DIAPH2: variants seen among roughly 807,000 people sequenced by gnomAD.
DIAPH2 encodes protein diaphanous homolog 2.
In DIAPH2, 35 loss-of-function variants were observed where a neutral mutation model predicts 92.7. The observed-to-expected ratio is 0.38, with a 90% CI of 0.29 to 0.50. The LOEUF (loss-of-function observed/expected upper bound fraction) is 0.50. DIAPH2 is among the 20% of genes least tolerant of loss of function. The probability of loss-of-function intolerance (pLI) is 0.94; values close to 1 mark genes in which losing one functional copy is unlikely to be tolerated. For missense variants in DIAPH2, 701 were observed against 819.5 expected, an observed-to-expected ratio of 0.86 and a Z score of 1.77; for synonymous variants, 301 against 280.4, an observed-to-expected ratio of 1.07 and a Z score of -0.73.
intron 4 of DIAPH2, among the ~76,000 whole-genome samples, chrX:96,854,583 A>ACTCT (rs1264157455): frequency 1.5e-5 from 1 of 66,042 alleles, no homozygotes; most frequent in Non-Finnish European, 2.8e-5. Context: ...AAAAACCAAG[A>ACTCT]CTCTCTCTCT....
At chrX:97,380,934 A>C (rs767551126) in intron 24 of DIAPH2, among the ~76,000 whole-genome samples, 2 of 111,696 alleles carry the variant, frequency 1.8e-5, no homozygotes, top group Non-Finnish European at 3.8e-5. Context: ...TTGCCATTAC[A>C]AATTGTGATT....
chrX:97,583,438 A>T (rs1343061539), intron 26 of DIAPH2, among the ~76,000 whole-genome samples: 1 of 110,562 alleles, frequency 9.0e-6, no homozygotes, highest in South Asian at 3.9e-4. Context: ...CTGCAGTGTG[A>T]GGTGTCAGTG....
At chrX:97,237,974 A>G (rs917055410) in intron 22 of DIAPH2, among the ~76,000 whole-genome samples, 1 of 112,057 alleles carries the variant, frequency 8.9e-6, no homozygotes, top group African/African-American at 3.2e-5. Context: ...CCTTGAGCTA[A>G]GACTGTCAAG....
intron 17 of DIAPH2, among the ~76,000 whole-genome samples, chrX:96,971,491 A>G (rs764573996): frequency 2.7e-5 from 3 of 110,814 alleles, no homozygotes; most frequent in Non-Finnish European, 5.7e-5. Flanking sequence ...ATGCTTCAGT[A>G]CAACTGTTAA....
chrX:97,173,449 T>A (rs1210314314), intron 22 of DIAPH2, among the ~76,000 whole-genome samples: 1 of 112,156 alleles, frequency 8.9e-6, no homozygotes, highest in Non-Finnish European at 1.9e-5. Flanking sequence ...TGATTTGTTC[T>A]GTTGCACTCT....
At chrX:96,958,210 C>T in intron 16 of DIAPH2, 62 bp downstream of exon 16, 1 of 1,133,025 alleles carries the variant, frequency 8.8e-7, no homozygotes. Flanking sequence ...GCTATGTGTA[C>T]ACATTGTATA....
intron 26 of DIAPH2, among the ~76,000 whole-genome samples, chrX:97,437,963 C>G (rs1447857995): frequency 9.3e-6 from 1 of 107,623 alleles, no homozygotes; most frequent in South Asian, 4.1e-4. Context: ...ACAAAGGATA[C>G]TCAGAAAGAA....
At chrX:96,982,050 A>G (rs1393736901) in intron 17 of DIAPH2, among the ~76,000 whole-genome samples, 1 of 112,202 alleles carries the variant, frequency 8.9e-6, no homozygotes, top group Admixed American at 9.4e-5. Context: ...TAAATGGTTT[A>G]CAACATATTG....
chrX:96,859,610 CTTATTTATTTATTTA>C (rs1349847747), intron 4 of DIAPH2, among the ~76,000 whole-genome samples: 16 of 94,433 alleles, frequency 1.7e-4, no homozygotes, highest in Non-Finnish European at 3.2e-4. Flanking sequence ...ATAATAGATT[CTTATTTATTTATTTA>C]TTTATTTATT....
chrX:96,778,349 T>G (rs938767139), intron 4 of DIAPH2, among the ~76,000 whole-genome samples: 1 of 110,869 alleles, frequency 9.0e-6, no homozygotes, highest in Non-Finnish European at 1.9e-5. Flanking sequence ...CCATAGACCT[T>G]TCACCCATAT....
intron 4 of DIAPH2, among the ~76,000 whole-genome samples, chrX:96,790,725 A>T (rs1371233232): frequency 3.6e-5 from 4 of 111,394 alleles, no homozygotes; most frequent in Admixed American, 9.6e-5. Context: ...TTGAAAATTT[A>T]AAAAAAATGA....
intron 23 of DIAPH2, among the ~76,000 whole-genome samples, chrX:97,322,658 T>A (rs971597175): frequency 1.4e-4 from 15 of 110,861 alleles, no homozygotes; most frequent in Non-Finnish European, 2.5e-4. Context: ...TATCTGAATC[T>A]ACTGATTTTG....
At chrX:97,243,581 A>G (rs779406106) in intron 22 of DIAPH2, among the ~76,000 whole-genome samples, 1 of 111,896 alleles carries the variant, frequency 8.9e-6, no homozygotes, top group South Asian at 3.7e-4. Context: ...TTACATCTCC[A>G]ATATTTTATT....
chrX:96,982,935 G>C (rs888353602), intron 17 of DIAPH2, among the ~76,000 whole-genome samples: 13 of 111,400 alleles, frequency 1.2e-4, no homozygotes, highest in Non-Finnish European at 2.1e-4. Flanking sequence ...TGGGACACAA[G>C]CGATTTTTAA....
intron 1 of DIAPH2, among the ~76,000 whole-genome samples, chrX:96,719,293 A>G (rs1441530389): frequency 9.0e-6 from 1 of 111,660 alleles, no homozygotes; most frequent in Non-Finnish European, 1.9e-5. Context: ...ATTTGATGTG[A>G]TCTTATGTGT....
intron 22 of DIAPH2, among the ~76,000 whole-genome samples, chrX:97,237,883 C>T (rs1275811579): frequency 2.7e-5 from 3 of 112,165 alleles, no homozygotes; most frequent in Non-Finnish European, 5.6e-5. Context: ...GCCCGGCCCG[C>T]AAAAAAAGAT....
chrX:97,300,967 A>AAAAAAAAAC, intron 23 of DIAPH2, among the ~76,000 whole-genome samples: 1 of 48,488 alleles, frequency 2.1e-5, no homozygotes, highest in Non-Finnish European at 4.4e-5. Context: ...AAAAAAAAAG[A>AAAAAAAAAC]AGAAGAAGAA....
At chrX:96,969,672 C>A (rs1342406651) in intron 17 of DIAPH2, among the ~76,000 whole-genome samples, 1 of 111,257 alleles carries the variant, frequency 9.0e-6, no homozygotes, top group South Asian at 3.8e-4. Flanking sequence ...AGGATCATAT[C>A]GTCTGTGAGG....
At chrX:97,091,085 C>T (rs2066821487) in intron 19 of DIAPH2, among the ~76,000 whole-genome samples, 1 of 111,268 alleles carries the variant, frequency 9.0e-6, no homozygotes, top group Non-Finnish European at 1.9e-5. Context: ...TGGCTCACTG[C>T]AGCCTTGACC....
Sources: gnomAD v4.1 joint callset for allele counts (sites outside exome capture counted in the v4.1 genomes callset) on GRCh38, gnomAD v4.1.1 for gene constraint, MANE v1.5 for transcripts, NCBI Gene and HGNC (gene_info 2026-07-23, HGNC 2026-07-21) for gene names.